The following KLHL24 variants were observed in gnomAD, a reference collection of about 807,000 sequenced individuals.
KLHL24 encodes the protein kelch like family member 24.
Under a neutral mutation model 53.4 loss-of-function variants are expected in KLHL24, and 29 were observed. The ratio of observed to expected loss-of-function variants is 0.54; its 90% CI spans 0.40 to 0.74. KLHL24 has a LOEUF of 0.74. Among genes scored for constraint, KLHL24 ranks in the 30% least tolerant of loss-of-function variants. The pLI is 0.00. For missense variants in KLHL24, 504 were observed against 744.0 expected, an observed-to-expected ratio of 0.68 and a Z score of 3.75; for synonymous variants, 222 against 253.7, an observed-to-expected ratio of 0.88 and a Z score of 1.19.
At chr3:183,665,075 C>G in intron 5 of KLHL24, 36 bp downstream of exon 5, 1 of 1,095,694 alleles carries the variant, frequency 9.1e-7, no homozygotes, top group Non-Finnish European at 1.4e-6. Flanking sequence ...ATTGCTGGTA[C>G]CTTTCCAAAG....
chr3:183,667,311 G>A (rs1720706992), intron 5 of KLHL24, among the ~76,000 whole-genome samples: 1 of 152,226 alleles, frequency 6.6e-6, no homozygotes, highest in South Asian at 2.1e-4. Flanking sequence ...AGCTACTCGG[G>A]AGGCTGAGGC....
At position 183,683,739 on chromosome 3, in the gene KLHL24, A is replaced by G. The variant is rs1484143615; in HGVS notation, c.*4453A>G. 1 of 152,676 alleles carries G rather than the reference A, an allele frequency of 6.5e-6. No homozygotes were observed. Among genetic ancestry groups the G allele is most frequent in the Non-Finnish European group, 1.5e-5 (1 of 68,038 alleles). 9.5% of individuals were successfully genotyped at this position (152,676 alleles called of 1,614,324 possible). On this transcript the variant is annotated 3_prime_UTR_variant, in exon 8 of 8. Coordinates refer to ENST00000242810, the MANE Select transcript of KLHL24 (RefSeq NM_017644.3). ...GAAAAGAATTTGTTTTAATGGTTTCAAAATAACTGCACCTGAATTTGTTTA... is the reference window on the plus strand; with the variant it reads ...GAAAAGAATTTGTTTTAATGGTTTCGAAATAACTGCACCTGAATTTGTTTA...
Position 183,682,087 on chromosome 3 carries a change from C to T in KLHL24, c.*2801C>T, listed in dbSNP as rs553224501. The T allele has an allele frequency of 6.6e-6, 1 of 152,106 alleles. No individual in the cohort carries two copies. Among genetic ancestry groups the T allele is most frequent in the South Asian group, 2.1e-4 (1 of 4,824 alleles). The allele number at this position is 152,106 out of a possible 1,614,324, so 9.4% of individuals were successfully genotyped here. On this transcript the variant is annotated 3_prime_UTR_variant, in exon 8 of 8. Transcript: ENST00000242810. ...CTAGAACTTTTTACATTTGAAAGTA[C>T]ATGATGAGTATTAGTAACGATGACT... is the stretch of plus-strand genomic sequence containing the variant.
At chr3:183,638,478 A>C (rs1317011434) in intron 1 of KLHL24, among the ~76,000 whole-genome samples, 1 of 152,186 alleles carries the variant, frequency 6.6e-6, no homozygotes, top group African/African-American at 2.4e-5. Context: ...CACTTTTTTC[A>C]ATAAATATTT....
intron 2 of KLHL24, among the ~76,000 whole-genome samples, chr3:183,646,043 G>GTT (rs1293254423): frequency 7.7e-6 from 1 of 130,308 alleles, no homozygotes; most frequent in Non-Finnish European, 1.6e-5. Flanking sequence ...AATTTTCTGG[G>GTT]TTTTTTGTTT....
chr3:183,646,522 A>G (rs1717272315), intron 2 of KLHL24, among the ~76,000 whole-genome samples: 1 of 152,174 alleles, frequency 6.6e-6, no homozygotes, highest in Non-Finnish European at 1.5e-5. Context: ...TGGGGGATAG[A>G]CAGAGAAACA....
rs149586959 is a variant in KLHL24 at position 183,646,592 on chromosome 3, G to C, written c.-62+3050G>C. The stretch of plus-strand genomic sequence containing the variant: ...GTCCTTCAGATGTTGTTATAGCCAG[G>C]TATTTTTCCCTGAATGGTCAGAATA... On this transcript the variant is annotated intron_variant, in intron 2 of 7. Coordinates refer to ENST00000242810, the MANE Select transcript of KLHL24 (RefSeq NM_017644.3). 2.8e-3 allele frequency among the ~76,000 whole-genome samples: 432 copies of C among 152,176 alleles called. 1 individual carries two copies. The highest frequency in any genetic ancestry group is 5.3e-3 in the Non-Finnish European group (358 of 68,010).
In KLHL24 at chr3:183,679,348, C is replaced by T; in HGVS notation, c.*62C>T. The T allele has an allele frequency of 8.0e-7, 1 of 1,243,178 alleles. No individual in the cohort carries two copies. Among genetic ancestry groups the T allele is most frequent in the Non-Finnish European group, 1.2e-6 (1 of 856,132 alleles). The allele number at this position is 1,243,178 out of a possible 1,614,324, so 77.0% of individuals were successfully genotyped here. On this transcript the variant is annotated 3_prime_UTR_variant, in exon 8 of 8. Coordinates refer to ENST00000242810, the MANE Select transcript of KLHL24 (RefSeq NM_017644.3). Reference sequence around the variant, plus strand: ...AAGATGGGAGGTTTTAAAAACTCTACAGTGGGAACTTCACATATCTCCTTT... The same window carrying T: ...AAGATGGGAGGTTTTAAAAACTCTATAGTGGGAACTTCACATATCTCCTTT...
chr3:183,664,377 G>A (rs1320866285), intron 4 of KLHL24, among the ~76,000 whole-genome samples: 1 of 152,020 alleles, frequency 6.6e-6, no homozygotes, highest in Non-Finnish European at 1.5e-5. Context: ...CTTTATGATT[G>A]TGATATGTTA....
At chr3:183,673,039 CAAAAT>C (rs1325976527) in intron 7 of KLHL24, 6 of 150,550 alleles carry the variant, frequency 4.0e-5, no homozygotes, top group Admixed American at 4.0e-4. Flanking sequence ...TAAAATAAAA[CAAAAT>C]AAAATAAAAA....
At chr3:183,678,943 A>G in intron 7 of KLHL24, 143 bp from the exon 8 acceptor site, 1 of 644,120 alleles carries the variant, frequency 1.6e-6, no homozygotes, top group East Asian at 2.7e-5. Flanking sequence ...GAACACAGAG[A>G]GCAGAGTTGG....
chr3:183,662,735 A>C (rs1467264003), intron 3 of KLHL24, among the ~76,000 whole-genome samples: 1 of 152,182 alleles, frequency 6.6e-6, no homozygotes, highest in Non-Finnish European at 1.5e-5. Context: ...GGAAATTTGT[A>C]ATGATAGAAA....
intron 7 of KLHL24, among the ~76,000 whole-genome samples, chr3:183,676,431 G>T (rs142749862): frequency 6.6e-6 from 1 of 152,170 alleles, no homozygotes; most frequent in African/African-American, 2.4e-5. Flanking sequence ...TTTTTGAGCC[G>T]TGTGTGATTG....
chr3:183,644,045 T>TC, intron 2 of KLHL24: 1 of 136,554 alleles, frequency 7.3e-6, no homozygotes, highest in Non-Finnish European at 1.6e-5. Flanking sequence ...TTTTTTTTTT[T>TC]TTTTTTTTTT....
chr3:183,655,804 C>T (rs970249931), intron 3 of KLHL24, among the ~76,000 whole-genome samples: 1 of 151,886 alleles, frequency 6.6e-6, no homozygotes, highest in African/African-American at 2.4e-5. Flanking sequence ...TGCCTGTAGT[C>T]CCATCTACTC....
intron 1 of KLHL24, among the ~76,000 whole-genome samples, chr3:183,637,618 T>G (rs976395379): frequency 6.6e-6 from 1 of 152,210 alleles, no homozygotes; most frequent in Non-Finnish European, 1.5e-5. Flanking sequence ...TCTGCAGATA[T>G]AGGAATTCAC....
intron 7 of KLHL24, among the ~76,000 whole-genome samples, chr3:183,678,828 C>T (rs576148861): frequency 1.3e-5 from 2 of 152,274 alleles, no homozygotes; most frequent in East Asian, 1.9e-4. Context: ...GCTCCATCCA[C>T]GTCCCTACAA....
intron 7 of KLHL24, among the ~76,000 whole-genome samples, chr3:183,675,927 T>C (rs1267276897): frequency 1.3e-5 from 2 of 152,262 alleles, no homozygotes; most frequent in Non-Finnish European, 2.9e-5. Context: ...GTTATTGAGA[T>C]AAAACTGAGA....
chr3:183,658,417 A>G (rs1174645649), intron 3 of KLHL24, among the ~76,000 whole-genome samples: 1 of 152,150 alleles, frequency 6.6e-6, no homozygotes, highest in African/African-American at 2.4e-5. Flanking sequence ...TGAAAGAGCT[A>G]TATGGTATCC....
Sources: allele counts gnomAD v4.1 joint callset (sites outside exome capture counted in the v4.1 genomes callset), GRCh38; gene constraint gnomAD v4.1.1; transcripts MANE v1.5; gene names NCBI Gene and HGNC (gene_info 2026-07-23, HGNC 2026-07-21).